The following SMAD6 variants were observed in gnomAD, a reference collection of about 807,000 sequenced individuals.
SMAD6 encodes the protein SMAD family member 6, also known as MAD homolog 6.
SMAD6 carries 103 observed loss-of-function variants against 39.4 expected under a neutral mutation model. That is an observed-to-expected ratio of 2.62 (90% CI 2.23 to 3.08). The LOEUF is 3.08. Ranked by LOEUF, SMAD6 falls within the 30% of genes most tolerant of loss-of-function variation. The pLI is 0.00. For synonymous variants in SMAD6, 445 were observed against 353.3 expected (o/e 1.26, Z -2.91); for missense variants, 1,104 against 742.9 (o/e 1.49, Z -5.65).
chr15:66,766,510 G>A (rs1183711937), intron 3 of SMAD6, among the ~76,000 whole-genome samples: 1 of 152,154 alleles, frequency 6.6e-6, no homozygotes, highest in Non-Finnish European at 1.5e-5. Context: ...AGCATTAAAT[G>A]AGATGGGATA....
At chr15:66,743,457 G>A (rs1029361539) in intron 3 of SMAD6, among the ~76,000 whole-genome samples, 3 of 151,898 alleles carry the variant, frequency 2.0e-5, no homozygotes, top group Non-Finnish European at 2.9e-5. Context: ...CCCATACCTC[G>A]TCACTGATGC....
Position 66,781,130 on chromosome 15 carries a change from G to C in SMAD6, c.1086G>C (p.Gln362His), listed in dbSNP as rs1479523721. 1 of 1,608,688 alleles carries C rather than the reference G, an allele frequency of 6.2e-7. No individual in the cohort carries two copies. Among genetic ancestry groups the C allele is most frequent in the African/African-American group, 1.3e-5 (1 of 74,928 alleles). ...QAVSIFYDLP[Q>H]GSGFCLGQLN... ...TCAGCATCTTCTACGACCTACCTCA[G>C]GGCAGCGGCTTCTGCCTGGGCCAGC... is the stretch of plus-strand genomic sequence containing the variant. Residue 362 changes from glutamine to histidine, a missense_variant, in exon 4 of 4, where the codon CAG becomes CAC. Physicochemically the swap from Gln to His is conservative, Grantham distance 24 (BLOSUM62 0). Transcript: ENST00000288840.
intron 3 of SMAD6, among the ~76,000 whole-genome samples, chr15:66,756,160 A>G (rs75524626): frequency 0.014 from 2,168 of 152,262 alleles, 60 homozygotes; most frequent in African/African-American, 0.049. Flanking sequence ...AAACTAGGTA[A>G]CATTATAATT....
At chr15:66,770,180 C>T (rs1008629959) in intron 3 of SMAD6, among the ~76,000 whole-genome samples, 4 of 152,092 alleles carry the variant, frequency 2.6e-5, no homozygotes, top group Non-Finnish European at 4.4e-5. Flanking sequence ...AGCATCCCTG[C>T]ACCTCTGATG....
intron 3 of SMAD6, among the ~76,000 whole-genome samples, chr15:66,745,848 A>C (rs1484256962): frequency 6.6e-6 from 1 of 152,106 alleles, no homozygotes; most frequent in Admixed American, 6.5e-5. Context: ...TTCTCTTTCT[A>C]GATAAGAACC....
Position 66,770,095 on chromosome 15 carries a change from C to T in SMAD6, c.953-10902C>T, listed in dbSNP as rs1894354987. 1.4e-4 allele frequency among the ~76,000 whole-genome samples: 21 copies of T among 152,316 alleles called. No homozygotes were observed. In the South Asian group the frequency reaches 3.7e-3, roughly 27 times the overall value. On this transcript the variant is annotated intron_variant, in intron 3 of 3. Transcript: ENST00000288840. ...CACCTGCCTTGGCCTCCCAAAGTGC[C>T]GGGATTGCAGCCGTGAGCCACTGCG...
chr15:66,773,173 G>A (rs1240472823), intron 3 of SMAD6, among the ~76,000 whole-genome samples: 1 of 150,544 alleles, frequency 6.6e-6, no homozygotes, highest in East Asian at 2.0e-4. Context: ...TTGGAAGCCC[G>A]GCTTCCTCTA....
intron 3 of SMAD6, among the ~76,000 whole-genome samples, chr15:66,734,898 C>T (rs1893687652): frequency 6.6e-6 from 1 of 152,184 alleles, no homozygotes; most frequent in Non-Finnish European, 1.5e-5. Flanking sequence ...TAAATAAAAG[C>T]TGTTGTGCCT....
rs145616414 is a variant in SMAD6 at position 66,753,259 on chromosome 15, T to A, written c.953-27738T>A. 5.0e-3 allele frequency among the ~76,000 whole-genome samples: 755 copies of A among 152,186 alleles called. 14 individuals are homozygous for A. The highest frequency in any genetic ancestry group is 0.017 in the African/African-American group (721 of 41,518). On this transcript the variant is annotated intron_variant, in intron 3 of 3. Coordinates refer to ENST00000288840, the MANE Select transcript of SMAD6 (RefSeq NM_005585.5). ...TCTGGGATGTGGGAAAGGTGATGGGTCCTGTAAGAGGGTGTGCCCAGGGAG... is the reference window on the plus strand; with the variant it reads ...TCTGGGATGTGGGAAAGGTGATGGGACCTGTAAGAGGGTGTGCCCAGGGAG...
At chr15:66,713,311 G>A (rs911516686) in intron 2 of SMAD6, among the ~76,000 whole-genome samples, 3 of 152,106 alleles carry the variant, frequency 2.0e-5, no homozygotes, top group Non-Finnish European at 2.9e-5. Context: ...GCATCATCTG[G>A]GAGGTCACTT....
At chr15:66,722,165 T>C (rs111666072) in intron 3 of SMAD6, among the ~76,000 whole-genome samples, 42 of 152,118 alleles carry the variant, frequency 2.8e-4, no homozygotes, top group Non-Finnish European at 5.0e-4. Flanking sequence ...AAGTGCCAGC[T>C]CCGTGAATTT....
At chr15:66,712,186 AAG>A (rs1160954679) in intron 2 of SMAD6, among the ~76,000 whole-genome samples, 2 of 152,168 alleles carry the variant, frequency 1.3e-5, no homozygotes, top group African/African-American at 4.8e-5. Flanking sequence ...TTTTTAAGCC[AAG>A]ATGTTCACTT....
At chr15:66,734,683 T>C (rs1893684860) in intron 3 of SMAD6, among the ~76,000 whole-genome samples, 1 of 152,162 alleles carries the variant, frequency 6.6e-6, no homozygotes, top group Non-Finnish European at 1.5e-5. Flanking sequence ...ACCCAATTTT[T>C]CCCCAAACTC....
In SMAD6 at chr15:66,747,397, C is replaced by T. The variant is rs1893926182; in HGVS notation, c.952+30899C>T. On this transcript the variant is annotated intron_variant, in intron 3 of 3. Coordinates refer to ENST00000288840, the MANE Select transcript of SMAD6 (RefSeq NM_005585.5). This position sits in a 1 kb window ranked among gnomAD's most constrained non-coding sequence, Gnocchi z 4.5. ...CCGTCAGCAGGAGGCTCTGGCCAGA[C>T]TCTGCTTCCCCGTGGGGAACTAAGC... Among the ~76,000 whole-genome samples the T allele has an allele frequency of 6.6e-6, 1 of 152,276 alleles. No individual in the cohort carries two copies. Among genetic ancestry groups the T allele is most frequent in the South Asian group, 2.1e-4 (1 of 4,838 alleles).
In SMAD6 at chr15:66,781,986, A is replaced by G; in HGVS notation, c.*451A>G. The G allele has an allele frequency of 1.3e-5, 5 of 398,986 alleles. No homozygotes were observed. In the Admixed American group the frequency reaches 2.2e-4, roughly 18 times the overall value. 24.7% of individuals were successfully genotyped at this position (398,986 alleles called of 1,614,324 possible). On this transcript the variant is annotated 3_prime_UTR_variant, in exon 4 of 4. Coordinates refer to ENST00000288840, the MANE Select transcript of SMAD6 (RefSeq NM_005585.5). Reference sequence around the variant, plus strand: ...CACTCGATAATAAAGTATTCGCATTATAGTTTTTTTTAAACTGTCTTCTTT... The same window carrying G: ...CACTCGATAATAAAGTATTCGCATTGTAGTTTTTTTTAAACTGTCTTCTTT...
At chr15:66,770,128 G>T (rs1043491714) in intron 3 of SMAD6, among the ~76,000 whole-genome samples, 1 of 152,142 alleles carries the variant, frequency 6.6e-6, no homozygotes, top group Non-Finnish European at 1.5e-5. Context: ...GCGCCCGGCC[G>T]AGAAGGGCTT....
At chr15:66,739,883 T>G (rs1374112234) in intron 3 of SMAD6, among the ~76,000 whole-genome samples, 1 of 152,172 alleles carries the variant, frequency 6.6e-6, no homozygotes, top group Non-Finnish European at 1.5e-5. Flanking sequence ...CCAGCGCTCC[T>G]CCCACCTCAG....
Position 66,703,431 on chromosome 15 carries a change from C to T in SMAD6, c.173C>T (p.Ser58Phe), listed in dbSNP as rs756752655. Residue 58 changes from serine (S) to phenylalanine (F), a missense_variant, in exon 1 of 4, where the codon TCC becomes TTC. Coordinates refer to ENST00000288840, the MANE Select transcript of SMAD6 (RefSeq NM_005585.5). Reference sequence around the variant, plus strand: ...AGAGAGGGCGGAGGCTGCGGCCGCTCCGAAGTCCGCCCGGTAGCCCCGCGG... The same window carrying T: ...AGAGAGGGCGGAGGCTGCGGCCGCTTCGAAGTCCGCCCGGTAGCCCCGCGG... The part of the protein sequence containing the change: ...RAREGGGCGR[S>F]EVRPVAPRRP... 1 of 1,292,696 alleles carries T rather than the reference C, an allele frequency of 7.7e-7. No individual in the cohort carries two copies. The highest frequency in any genetic ancestry group is 1.6e-5 in the African/African-American group (1 of 64,420). 80.1% of individuals were successfully genotyped at this position (1,292,696 alleles called of 1,614,324 possible).
intron 3 of SMAD6, among the ~76,000 whole-genome samples, chr15:66,761,578 G>A (rs1595793494): frequency 1.3e-5 from 2 of 152,306 alleles, no homozygotes; most frequent in Non-Finnish European, 1.5e-5. Context: ...ATTTGTCTCC[G>A]TTCCTTGGGC....
Sources: gnomAD v4.1 joint callset for allele counts (sites outside exome capture counted in the v4.1 genomes callset) on GRCh38, gnomAD v4.1.1 for gene constraint, Gnocchi (gnomAD v3.1) non-coding constraint, MANE v1.5 for transcripts, NCBI Gene and HGNC (gene_info 2026-07-23, HGNC 2026-07-21) for gene names.